The following UBA5 variants were observed in gnomAD, a reference collection of about 807,000 sequenced individuals.
UBA5 encodes the protein ubiquitin like modifier activating enzyme 5, also known as ubiquitin-like modifier-activating enzyme 5.
In UBA5, 28 loss-of-function variants were observed where a neutral mutation model predicts 52.9. The observed-to-expected ratio is 0.53, with a 90% CI of 0.39 to 0.73. UBA5 has a LOEUF of 0.73. UBA5 is among the 30% of genes least tolerant of loss of function. The pLI, the probability that UBA5 is intolerant of heterozygous loss-of-function variation, is 0.00. For missense variants in UBA5, 388 were observed against 492.7 expected, an observed-to-expected ratio of 0.79 and a Z score of 2.01; for synonymous variants, 135 against 162.1, an observed-to-expected ratio of 0.83 and a Z score of 1.27.
intron 6 of UBA5, among the ~76,000 whole-genome samples, chr3:132,671,558 TTAA>T (rs1192878270): frequency 2.0e-5 from 3 of 152,162 alleles, no homozygotes; most frequent in Non-Finnish European, 2.9e-5. Flanking sequence ...TTGATTCAAT[TTAA>T]TAATATTTAC....
chr3:132,678,659 TA>T lies in UBA5; in HGVS notation c.*2134del, dbSNP rs1162822641. On this transcript the variant is annotated 3_prime_UTR_variant, in exon 12 of 12. Transcript: ENST00000356232. ...ACTTAAGAATATTTATTTATTTATT[TA>T]TTTTTTTGAGACAGAGTCTCACTCT... 6.6e-6 allele frequency among the ~76,000 whole-genome samples: 1 copy of T among 152,152 alleles called. No individual in the cohort carries two copies. Among genetic ancestry groups the T allele is most frequent in the East Asian group, 1.9e-4 (1 of 5,180 alleles).
At chr3:132,655,462 C>T (rs1937738147), upstream of UBA5, among the ~76,000 whole-genome samples, 3 of 152,196 alleles carry the variant, frequency 2.0e-5, no homozygotes, top group South Asian at 2.1e-4. Context: ...CTACTTCAGG[C>T]ATTTGGGCTG....
At chr3:132,658,654 A>G (rs947910996), upstream of UBA5, among the ~76,000 whole-genome samples, 33 of 152,136 alleles carry the variant, frequency 2.2e-4, no homozygotes, top group Admixed American at 2.0e-3. Context: ...TCATCTTCCA[A>G]TATCTATTGG....
At chr3:132,663,083 A>T (rs190794295) in intron 1 of UBA5, among the ~76,000 whole-genome samples, 16 of 152,200 alleles carry the variant, frequency 1.1e-4, no homozygotes, top group Non-Finnish European at 5.9e-5. Flanking sequence ...TTATAGTAAC[A>T]ATTTGGAAAC....
upstream of UBA5, among the ~76,000 whole-genome samples, chr3:132,658,811 A>G (rs956358733): frequency 6.6e-6 from 1 of 152,220 alleles, no homozygotes; most frequent in African/African-American, 2.4e-5. Context: ...TGCAATTTTT[A>G]CGCCCTTTCA....
At chr3:132,665,409 T>A (rs1028448395) in intron 1 of UBA5, among the ~76,000 whole-genome samples, 28 of 152,122 alleles carry the variant, frequency 1.8e-4, no homozygotes, top group African/African-American at 6.8e-4. Context: ...CATCATCTAT[T>A]GTGGGCAGAG....
chr3:132,676,327 G>A lies in UBA5; in HGVS notation c.1132-116G>A. The stretch of plus-strand genomic sequence containing the variant: ...TAAAAATTAGAAGATAGTTGTTAAA[G>A]AAAATTTACTTTATAACCTTGTTGA... On this transcript the variant is annotated intron_variant, in intron 11 of 11. Transcript: ENST00000356232. This position sits in a 1 kb window ranked among gnomAD's most constrained non-coding sequence, Gnocchi z 4.1. 1.3e-6 allele frequency: 1 copy of A among 763,108 alleles called. No individual in the cohort carries two copies. Among genetic ancestry groups the A allele is most frequent in the Non-Finnish European group, 2.1e-6 (1 of 473,938 alleles). 47.3% of individuals were successfully genotyped at this position (763,108 alleles called of 1,614,324 possible). A position where few individuals can be genotyped will look rare whatever the true frequency, so the allele number is the denominator to read the frequency against.
chr3:132,674,223 C>G (rs1425081336), intron 8 of UBA5, among the ~76,000 whole-genome samples: 1 of 152,012 alleles, frequency 6.6e-6, no homozygotes, highest in Non-Finnish European at 1.5e-5. Context: ...AGTTGTTGCT[C>G]TTTTTTGTCT....
At position 132,660,396 on chromosome 3, in the gene UBA5, G is replaced by A. The variant is rs548827948; in HGVS notation, c.-142G>A. The A allele has an allele frequency of 2.8e-6, 3 of 1,083,636 alleles. No individual in the cohort carries two copies. The highest frequency in any genetic ancestry group is 2.6e-5 in the East Asian group (1 of 38,268). The allele number at this position is 1,083,636 out of a possible 1,614,324, so 67.1% of individuals were successfully genotyped here. ...GACGTGTCTGTCTGTGAGGCGCTGG[G>A]TGCACGTCCCCAGGGCTCTGGGCTA... On this transcript the variant is annotated 5_prime_UTR_variant, in exon 1 of 12. It adds an upstream start codon to the 5' untranslated region. Coordinates refer to ENST00000356232, the MANE Select transcript of UBA5 (RefSeq NM_024818.6). This position sits in a 1 kb window ranked among gnomAD's most constrained non-coding sequence, Gnocchi z 4.1.
chr3:132,658,441 G>T (rs1196273993), upstream of UBA5, among the ~76,000 whole-genome samples: 1 of 152,126 alleles, frequency 6.6e-6, no homozygotes, highest in Non-Finnish European at 1.5e-5. Context: ...GTATCTTTCA[G>T]TTATGTACCT....
chr3:132,671,061 TG>T lies in UBA5; in HGVS notation c.579+13del. The T allele has an allele frequency of 1.2e-6, 2 of 1,603,192 alleles. No individual in the cohort carries two copies. The highest frequency in any genetic ancestry group is 1.7e-6 in the Non-Finnish European group (2 of 1,170,690). ...TGACAATAAATACAGTGAGTATTCCTGCTGTGCAAGATATATTCATGGATTT... is the reference window on the plus strand; with the variant it reads ...TGACAATAAATACAGTGAGTATTCCTCTGTGCAAGATATATTCATGGATTT... On this transcript the variant is annotated intron_variant, in intron 6 of 11. Coordinates refer to ENST00000356232, the MANE Select transcript of UBA5 (RefSeq NM_024818.6).
intron 3 of UBA5, chr3:132,668,144 CTAA>C (rs1938452482): frequency 6.8e-6 from 1 of 146,244 alleles, no homozygotes; most frequent in African/African-American, 2.5e-5. Context: ...GAAATGTGAT[CTAA>C]TGGCCATTTT....
rs1174214215 is a variant in UBA5, at chr3:132,676,866, G to T, written c.*340G>T. On this transcript the variant is annotated 3_prime_UTR_variant, in exon 12 of 12. Coordinates refer to ENST00000356232, the MANE Select transcript of UBA5 (RefSeq NM_024818.6). The surrounding 1 kb of genome is among the most constrained non-coding windows in gnomAD (Gnocchi z 4.1). ...CTTTTTCTTTCCAGTAATCCCTTGT[G>T]TCTGTTGCATGAGGACATGGACAAT... 4.3e-6 allele frequency: 2 copies of T among 461,390 alleles called. No homozygotes were observed. Among genetic ancestry groups the T allele is most frequent in the South Asian group, 3.1e-5 (2 of 64,592 alleles). 28.6% of individuals were successfully genotyped at this position (461,390 alleles called of 1,614,324 possible). A position where few individuals can be genotyped will look rare whatever the true frequency, so the allele number is the denominator to read the frequency against.
At position 132,677,215 on chromosome 3, in the gene UBA5, T is replaced by C; in HGVS notation, c.*689T>C. The stretch of plus-strand genomic sequence containing the variant: ...CAAAGTTGATTTCAGGAAGTATAAA[T>C]TATATTCTGCACCGAACAAGGAACA... On this transcript the variant is annotated 3_prime_UTR_variant, in exon 12 of 12. Coordinates refer to ENST00000356232, the MANE Select transcript of UBA5 (RefSeq NM_024818.6). The C allele has an allele frequency of 9.9e-6, 2 of 202,046 alleles. No homozygotes were observed. Among genetic ancestry groups the C allele is most frequent in the Non-Finnish European group, 1.0e-5 (1 of 96,634 alleles). 12.5% of individuals were successfully genotyped at this position (202,046 alleles called of 1,614,324 possible). A position where few individuals can be genotyped will look rare whatever the true frequency, so the allele number is the denominator to read the frequency against.
chr3:132,668,657 G>A (rs1938475827), intron 3 of UBA5, 161 bp from the exon 4 acceptor site: 1 of 493,004 alleles, frequency 2.0e-6, no homozygotes, highest in Non-Finnish European at 3.6e-6. Context: ...TGCCTCACAT[G>A]AGCATTCAAT....
At chr3:132,667,523 GTCTT>G (rs1271170034) in intron 3 of UBA5, 2 of 152,148 alleles carry the variant, frequency 1.3e-5, no homozygotes, top group African/African-American at 2.4e-5. Flanking sequence ...GTTTCAGGAA[GTCTT>G]TCTTTAATTT....
chr3:132,660,847 A>C lies in UBA5; in HGVS notation c.161+149A>C. 1 of 1,438,390 alleles carries C rather than the reference A, an allele frequency of 7.0e-7. No individual in the cohort carries two copies. The highest frequency in any genetic ancestry group is 1.5e-5 in the South Asian group (1 of 65,788). The allele number at this position is 1,438,390 out of a possible 1,614,324, so 89.1% of individuals were successfully genotyped here. The stretch of plus-strand genomic sequence containing the variant: ...ATCCTGTTCCCAAATGGGCAAGGCC[A>C]CATCTTAGTACTGATCGGAAGATAT... On this transcript the variant is annotated intron_variant, in intron 1 of 11. Coordinates refer to ENST00000356232, the MANE Select transcript of UBA5 (RefSeq NM_024818.6). The surrounding 1 kb of genome is among the most constrained non-coding windows in gnomAD (Gnocchi z 4.1).
At position 132,677,505 on chromosome 3, in the gene UBA5, A is replaced by T. The variant is rs772679697; in HGVS notation, c.*979A>T. The T allele has an allele frequency of 1.3e-5, 2 of 152,174 alleles. No individual in the cohort carries two copies. Among genetic ancestry groups the T allele is most frequent in the Non-Finnish European group, 1.5e-5 (1 of 68,002 alleles). 9.4% of individuals were successfully genotyped at this position (152,174 alleles called of 1,614,324 possible). ...ACTTTCCCCTGATCATGACCACTAA[A>T]CTGTAAATTGATATAAATTAGTTTT... On this transcript the variant is annotated 3_prime_UTR_variant, in exon 12 of 12. Coordinates refer to ENST00000356232, the MANE Select transcript of UBA5 (RefSeq NM_024818.6).
At chr3:132,672,209 T>C in intron 8 of UBA5, 32 bp downstream of exon 8, 2 of 1,596,980 alleles carry the variant, frequency 1.3e-6, no homozygotes, top group Non-Finnish European at 1.7e-6. Context: ...TGAATAGTCT[T>C]GTATGCTTTC....
Sources: gnomAD v4.1 joint callset for allele counts (sites outside exome capture counted in the v4.1 genomes callset) on GRCh38, gnomAD v4.1.1 for gene constraint, Gnocchi (gnomAD v3.1) non-coding constraint, MANE v1.5 for transcripts, NCBI Gene and HGNC (gene_info 2026-07-23, HGNC 2026-07-21) for gene names.